Variants in ALOX5AP observed in about 807,000 individuals in gnomAD.
The protein encoded by ALOX5AP is arachidonate 5-lipoxygenase activating protein.
A neutral mutation model predicts 18.5 loss-of-function variants in ALOX5AP; 9 were observed. That is an observed-to-expected ratio of 0.49 (90% CI 0.29 to 0.85). The LOEUF (loss-of-function observed/expected upper bound fraction) is 0.85, where lower values mean the gene tolerates loss of function less well. Among genes scored for constraint, ALOX5AP ranks in the 40% least tolerant of loss-of-function variants. ALOX5AP has a pLI of 0.08. For synonymous variants in ALOX5AP, 81 were observed against 78.6 expected, an observed-to-expected ratio of 1.03 and a Z score of -0.16; for missense variants, 172 against 202.5, an observed-to-expected ratio of 0.85 and a Z score of 0.91.
chr13:30,736,465 C>G (rs1201448200), intron 1 of ALOX5AP, among the ~76,000 whole-genome samples: 1 of 152,190 alleles, frequency 6.6e-6, no homozygotes, highest in Non-Finnish European at 1.5e-5. Flanking sequence ...ACTTTCATAA[C>G]TATCTCCAGT....
rs747845467 is a variant in ALOX5AP at position 30,755,941 on chromosome 13, T to C, written c.242-3T>C. The C allele has an allele frequency of 1.4e-5, 22 of 1,614,012 alleles. No individual in the cohort carries two copies. Among genetic ancestry groups the C allele is most frequent in the African/African-American group, 2.7e-5 (2 of 75,052 alleles). ...ACACAGGTGTTTTCATTTCTCCACT[T>C]AGTTCCTGCTGCGTTTGCTGGACTG... On this transcript the variant is annotated splice_region_variant and splice_polypyrimidine_tract_variant and intron_variant, in intron 3 of 4. Transcript: ENST00000380490.
intron 1 of ALOX5AP, among the ~76,000 whole-genome samples, chr13:30,723,569 T>C (rs1951611411): frequency 6.6e-6 from 1 of 151,744 alleles, no homozygotes; most frequent in Admixed American, 6.6e-5. Context: ...TGGGTGAGAG[T>C]TTTCCACCAT....
chr13:30,732,147 G>A (rs540193265), upstream of ALOX5AP, among the ~76,000 whole-genome samples: 6 of 152,226 alleles, frequency 3.9e-5, no homozygotes, highest in Non-Finnish European at 7.3e-5. Context: ...GGCTGGGGGT[G>A]ACTCCAAGGA....
chr13:30,741,422 G>T, intron 1 of ALOX5AP, among the ~76,000 whole-genome samples: 1 of 138,988 alleles, frequency 7.2e-6, no homozygotes. Flanking sequence ...TTGAGATGGA[G>T]TTTCACTCTT....
intron 2 of ALOX5AP, among the ~76,000 whole-genome samples, chr13:30,744,965 A>G (rs1207116814): frequency 2.0e-5 from 3 of 152,208 alleles, no homozygotes; most frequent in Non-Finnish European, 1.5e-5. Flanking sequence ...TGATGTTCCC[A>G]GAGATCCTTC....
At chr13:30,733,075 C>T (rs752700473), upstream of ALOX5AP, among the ~76,000 whole-genome samples, 7 of 149,538 alleles carry the variant, frequency 4.7e-5, no homozygotes, top group East Asian at 8.1e-4. Flanking sequence ...AGGAGAATGG[C>T]GTGAACCCGG....
At chr13:30,759,178 G>A (rs1435197855) in intron 4 of ALOX5AP, among the ~76,000 whole-genome samples, 1 of 152,072 alleles carries the variant, frequency 6.6e-6, no homozygotes, top group East Asian at 1.9e-4. Context: ...TGAACTCAAT[G>A]GCACCTGGCA....
intron 1 of ALOX5AP, among the ~76,000 whole-genome samples, chr13:30,742,177 G>A (rs1175235274): frequency 5.9e-5 from 9 of 152,212 alleles, no homozygotes; most frequent in East Asian, 1.9e-4. Context: ...TTAGCCGGGC[G>A]TGATGACGCA....
chr13:30,762,669 C>T (rs983990993), intron 4 of ALOX5AP, among the ~76,000 whole-genome samples: 1 of 151,996 alleles, frequency 6.6e-6, no homozygotes, highest in African/African-American at 2.4e-5. Flanking sequence ...GATAAAATTT[C>T]TAATATTAAA....
chr13:30,738,056 T>G (rs1309392481), intron 1 of ALOX5AP, among the ~76,000 whole-genome samples: 1 of 152,152 alleles, frequency 6.6e-6, no homozygotes, highest in Non-Finnish European at 1.5e-5. Context: ...AAAATGCCAT[T>G]CTGAACATTT....
chr13:30,753,197 TAGAG>T (rs1951865976), intron 3 of ALOX5AP, among the ~76,000 whole-genome samples: 5 of 152,112 alleles, frequency 3.3e-5, no homozygotes, highest in African/African-American at 1.2e-4. Flanking sequence ...AGTTCAGTGA[TAGAG>T]AGCAGAGGTG....
intron 2 of ALOX5AP, chr13:30,744,491 A>C: frequency 9.7e-6 from 2 of 207,018 alleles, no homozygotes; most frequent in Non-Finnish European, 2.0e-5. Context: ...GCTACTGTGA[A>C]CACCAGCCAT....
chr13:30,742,859 G>GCCCCCCCC (rs11316477), intron 1 of ALOX5AP, among the ~76,000 whole-genome samples: 457 of 105,872 alleles, frequency 4.3e-3, no homozygotes, highest in Admixed American at 5.6e-3. Context: ...GACCTTCACC[G>GCCCCCCCC]CCCCCCCCCC....
chr13:30,757,926 C>T (rs1232819468), intron 4 of ALOX5AP, among the ~76,000 whole-genome samples: 3 of 152,152 alleles, frequency 2.0e-5, no homozygotes, highest in Non-Finnish European at 4.4e-5. Flanking sequence ...CCTCCCTGGT[C>T]TCCCTCTTTA....
chr13:30,738,165 G>A (rs971603742), intron 1 of ALOX5AP, among the ~76,000 whole-genome samples: 1 of 152,186 alleles, frequency 6.6e-6, no homozygotes, highest in African/African-American at 2.4e-5. Context: ...CCCATGACTG[G>A]GTTGGGCTCT....
In ALOX5AP at chr13:30,741,103, CTTTTTTTTTTTTTTTTTTTTT is replaced by C. The variant is rs59980433; in HGVS notation, c.71-2942_71-2922del. On this transcript the variant is annotated intron_variant, in intron 1 of 4. Transcript: ENST00000380490. The stretch of plus-strand genomic sequence containing the variant: ...TTAACCTACACACATCCTCCATATC[CTTTTTTTTTTTTTTTTTTTTT>C]TTTTTTTTTTTTTTGTGAGATGGAG... Among the ~76,000 whole-genome samples the C allele has an allele frequency of 4.7e-5, 3 of 63,970 alleles. No individual in the cohort carries two copies. The Admixed American group carries it at 6.8e-4, about 15-fold the overall frequency. The allele number at this position is 63,970 out of a possible 152,430, so 42.0% of individuals were successfully genotyped here.
chr13:30,723,612 C>T (rs2137790251), intron 1 of ALOX5AP, among the ~76,000 whole-genome samples: 1 of 152,278 alleles, frequency 6.6e-6, no homozygotes, highest in East Asian at 1.9e-4. Context: ...AATACAAAGC[C>T]AGGACATCCT....
At chr13:30,727,141 C>G (rs1003356668) in intron 1 of ALOX5AP, among the ~76,000 whole-genome samples, 41 of 151,916 alleles carry the variant, frequency 2.7e-4, no homozygotes, top group African/African-American at 9.2e-4. Flanking sequence ...ACAACCTCTG[C>G]CTCCCGGGTT....
intron 1 of ALOX5AP, among the ~76,000 whole-genome samples, chr13:30,725,197 A>T (rs80071245): frequency 1.1e-3 from 169 of 152,340 alleles, no homozygotes; most frequent in African/African-American, 3.9e-3. Flanking sequence ...GTTTAGTCTG[A>T]TGGTCAGGGA....
Sources: gnomAD v4.1 joint callset for allele counts (sites outside exome capture counted in the v4.1 genomes callset) on GRCh38, gnomAD v4.1.1 for gene constraint, MANE v1.5 for transcripts, NCBI Gene and HGNC (gene_info 2026-07-23, HGNC 2026-07-21) for gene names.